Variants in SMG7 observed in about 807,000 individuals in gnomAD.
The protein encoded by SMG7 is SMG7 nonsense mediated mRNA decay factor.
SMG7 carries 34 observed loss-of-function variants against 148.2 expected under a neutral mutation model. The observed-to-expected ratio is 0.23, with a 90% CI of 0.17 to 0.31. The LOEUF (loss-of-function observed/expected upper bound fraction) is 0.31, where lower values mean the gene tolerates loss of function less well. Among genes scored for constraint, SMG7 ranks in the 10% least tolerant of loss-of-function variants. The probability of loss-of-function intolerance (pLI) is 1.00; values close to 1 mark genes in which losing one functional copy is unlikely to be tolerated. For synonymous variants in SMG7, 492 were observed against 515.1 expected, an observed-to-expected ratio of 0.96 and a Z score of 0.61; for missense variants, 1,114 against 1,408.4, an observed-to-expected ratio of 0.79 and a Z score of 3.35.
chr1:183,541,034 G>C lies in SMG7; in HGVS notation c.1346G>C (p.Gly449Ala). 1 of 1,613,546 alleles carries C rather than the reference G, an allele frequency of 6.2e-7. No homozygotes were observed. Among genetic ancestry groups the C allele is most frequent in the Admixed American group, 1.7e-5 (1 of 60,016 alleles). ...GHQGITGDKE[G>A]QQRRIRQQRL... ...CAGGGTATTACAGGGGACAAAGAAGGCCAGCAACGACGAATACGACAGCAA... is the reference window on the plus strand; with the variant it reads ...CAGGGTATTACAGGGGACAAAGAAGCCCAGCAACGACGAATACGACAGCAA... Residue 449 changes from glycine to alanine, a missense_variant, in exon 13 of 23, where the codon GGC (glycine) becomes GCC (alanine). Transcript: ENST00000688051.
rs1474312410 is a variant in SMG7 at position 183,472,616 on chromosome 1, G to A, written c.-5G>A. The A allele has an allele frequency of 1.4e-6, 2 of 1,451,000 alleles. No homozygotes were observed. The highest frequency in any genetic ancestry group is 1.8e-6 in the Non-Finnish European group (2 of 1,090,364). 89.9% of individuals were successfully genotyped at this position (1,451,000 alleles called of 1,614,324 possible). On this transcript the variant is annotated 5_prime_UTR_variant, in exon 1 of 23. Coordinates refer to ENST00000688051, the MANE Select transcript of SMG7 (RefSeq NM_001375584.1). ...CGCGGGAAGACGCGGCGGCGGCGGCGGAGGATGAGCCTGCAGAGCGCGCAG... is the reference window on the plus strand; with the variant it reads ...CGCGGGAAGACGCGGCGGCGGCGGCAGAGGATGAGCCTGCAGAGCGCGCAG...
rs190696425 is a variant in SMG7 at position 183,493,876 on chromosome 1, G to A, written c.30-18961G>A. ...ATTACAGGCGTGAGTCATAGCACCC[G>A]GCCACTTTACTGGTTTTCTGCCTAC... On this transcript the variant is annotated intron_variant, in intron 1 of 22. Transcript: ENST00000688051. Among the ~76,000 whole-genome samples the A allele has an allele frequency of 6.5e-4, 99 of 152,228 alleles. 1 individual carries two copies. The highest frequency in any genetic ancestry group is 2.0e-3 in the African/African-American group (84 of 41,532).
intron 10 of SMG7, 106 bp downstream of exon 10, chr1:183,533,938 CTGTATT>C (rs1667290274): frequency 4.5e-6 from 4 of 889,092 alleles, no homozygotes; most frequent in Non-Finnish European, 6.8e-6. Context: ...CAATAGAATA[CTGTATT>C]TTCTGCCGAC....
chr1:183,517,085 G>A (rs766797376), intron 3 of SMG7, among the ~76,000 whole-genome samples: 3 of 152,104 alleles, frequency 2.0e-5, no homozygotes, highest in African/African-American at 4.8e-5. Flanking sequence ...TTAAAGAAAA[G>A]CATTTTATAA....
intron 8 of SMG7, among the ~76,000 whole-genome samples, chr1:183,530,197 C>CA (rs1297303546): frequency 2.0e-5 from 3 of 152,046 alleles, no homozygotes; most frequent in Non-Finnish European, 4.4e-5. Context: ...CAGTAAATGA[C>CA]AATTTCAAAG....
intron 1 of SMG7, among the ~76,000 whole-genome samples, chr1:183,506,472 A>T (rs1260712516): frequency 6.6e-6 from 1 of 152,164 alleles, no homozygotes; most frequent in Non-Finnish European, 1.5e-5. Flanking sequence ...GTGGGTGTAT[A>T]CGCATGTGCA....
chr1:183,505,091 T>C (rs749032055), intron 1 of SMG7, among the ~76,000 whole-genome samples: 16 of 151,340 alleles, frequency 1.1e-4, no homozygotes, highest in Non-Finnish European at 2.4e-4. Context: ...CTAAACACTC[T>C]CAAGTGTCTC....
intron 1 of SMG7, among the ~76,000 whole-genome samples, chr1:183,481,522 A>T (rs1260082473): frequency 6.6e-6 from 1 of 152,192 alleles, no homozygotes; most frequent in Non-Finnish European, 1.5e-5. Context: ...TTAAATGTAC[A>T]GTGTACATAA....
chr1:183,545,187 G>C lies in SMG7; in HGVS notation c.2245G>C (p.Ala749Pro), dbSNP rs372917832. Residue 749 changes from alanine to proline, a missense_variant, in exon 16 of 23, where the codon GCT (alanine) becomes CCT (proline). By Grantham distance (27) the Ala-to-Pro change is conservative (BLOSUM62 -1). Transcript: ENST00000688051. ...PSQQPLTSLP[A>P]QPTAQSTSQL... ...CCAGCAACCCCTTACATCTTTACCA[G>C]CTCAGCCAACAGCACAGTCTACAAG... The C allele has an allele frequency of 1.1e-5, 18 of 1,613,986 alleles. No individual in the cohort carries two copies. The highest frequency in any genetic ancestry group is 1.5e-5 in the Non-Finnish European group (18 of 1,180,018).
At chr1:183,549,466 A>T (rs1670579524) in intron 19 of SMG7, among the ~76,000 whole-genome samples, 178 bp downstream of exon 19, 1 of 152,168 alleles carries the variant, frequency 6.6e-6, no homozygotes, top group African/African-American at 2.4e-5. Flanking sequence ...GTACATCATG[A>T]ATTAAAACCC....
At chr1:183,511,163 G>A (rs2102410761) in intron 1 of SMG7, among the ~76,000 whole-genome samples, 1 of 151,936 alleles carries the variant, frequency 6.6e-6, no homozygotes, top group South Asian at 2.1e-4. Flanking sequence ...TCTCTCTTAA[G>A]TTTATATACC....
Position 183,552,486 on chromosome 1 carries a change from C to G in SMG7, c.*555C>G. On this transcript the variant is annotated 3_prime_UTR_variant, in exon 23 of 23. Transcript: ENST00000688051. Reference sequence around the variant, plus strand: ...AGTGTGTAGCAAGGAAAGCCCCGTTCACTGCTCCTGTGAGAGGTTGGTGGT... The same window carrying G: ...AGTGTGTAGCAAGGAAAGCCCCGTTGACTGCTCCTGTGAGAGGTTGGTGGT... 1.0e-6 allele frequency: 1 copy of G among 995,862 alleles called. No individual in the cohort carries two copies. Among genetic ancestry groups the G allele is most frequent in the Non-Finnish European group, 1.2e-6 (1 of 835,752 alleles). The allele number at this position is 995,862 out of a possible 1,614,324, so 61.7% of individuals were successfully genotyped here.
At chr1:183,507,350 C>T (rs937644873) in intron 1 of SMG7, among the ~76,000 whole-genome samples, 2 of 151,992 alleles carry the variant, frequency 1.3e-5, no homozygotes, top group South Asian at 2.1e-4. Flanking sequence ...ATTGAAAGCC[C>T]CAGTTCTATG....
At chr1:183,549,424 C>T in intron 19 of SMG7, 136 bp downstream of exon 19, 1 of 682,984 alleles carries the variant, frequency 1.5e-6, no homozygotes, top group East Asian at 2.7e-5. Flanking sequence ...ATTTTATCCC[C>T]CTTGTCTCTG....
chr1:183,514,431 CATT>C (rs1322607563), intron 2 of SMG7, among the ~76,000 whole-genome samples: 1 of 152,050 alleles, frequency 6.6e-6, no homozygotes, highest in African/African-American at 2.4e-5. Context: ...CAGTTCTTTC[CATT>C]ATTAACAGAT....
At position 183,533,692 on chromosome 1, in the gene SMG7, C is replaced by A; in HGVS notation, c.1023C>A (p.Ile341=). The A allele has an allele frequency of 6.2e-7, 1 of 1,601,892 alleles. No individual in the cohort carries two copies. The highest frequency in any genetic ancestry group is 8.5e-7 in the Non-Finnish European group (1 of 1,175,250). The change falls in exon 10 of 23, where the codon ATC becomes ATA. Residue 341 remains isoleucine, a synonymous_variant. Coordinates refer to ENST00000688051, the MANE Select transcript of SMG7 (RefSeq NM_001375584.1). ...TTTTTCAAGTGTCTTTTCTTGGCAT[C>A]CTGTGCAAGTGTCCTCTACAGAATG... The part of the protein sequence containing the change: ...LLALFMSFLG[I]LCKCPLQNES...
chr1:183,508,025 A>T, intron 1 of SMG7: 1 of 207,368 alleles, frequency 4.8e-6, no homozygotes, highest in Non-Finnish European at 8.4e-6. Flanking sequence ...TATTTTCATT[A>T]ATTCCTTCAG....
intron 8 of SMG7, among the ~76,000 whole-genome samples, chr1:183,531,687 A>G (rs557245432): frequency 1.3e-5 from 2 of 152,268 alleles, no homozygotes; most frequent in East Asian, 3.9e-4. Flanking sequence ...ACGCTAGAAA[A>G]TTCTTTAATG....
chr1:183,530,954 A>G (rs759033495), intron 8 of SMG7, among the ~76,000 whole-genome samples: 1 of 152,116 alleles, frequency 6.6e-6, no homozygotes, highest in Non-Finnish European at 1.5e-5. Flanking sequence ...AACCTCAAAC[A>G]CTAACACTCT....
Sources: allele counts gnomAD v4.1 joint callset (sites outside exome capture counted in the v4.1 genomes callset), GRCh38; gene constraint gnomAD v4.1.1; transcripts MANE v1.5; gene names NCBI Gene and HGNC (gene_info 2026-07-23, HGNC 2026-07-21).